Variants in FOXP1 observed in about 807,000 individuals in gnomAD.
FOXP1 encodes the protein forkhead box protein P1.
In FOXP1, 15 loss-of-function variants were observed where a neutral mutation model predicts 98.2. The ratio of observed to expected loss-of-function variants is 0.15; its 90% CI spans 0.10 to 0.24. The LOEUF (loss-of-function observed/expected upper bound fraction) is 0.24. FOXP1 is among the 10% of genes least tolerant of loss of function. FOXP1 has a pLI of 1.00. For synonymous variants in FOXP1, 371 were observed against 314.5 expected (o/e 1.18, Z -1.90); for missense variants, 633 against 848.5 (o/e 0.75, Z 3.15).
intron 11 of FOXP1, among the ~76,000 whole-genome samples, chr3:71,031,668 A>G (rs1057411986): frequency 3.9e-5 from 6 of 152,310 alleles, no homozygotes; most frequent in African/African-American, 7.2e-5. Flanking sequence ...GAAACCACAA[A>G]TATTAGACCA....
In FOXP1 at chr3:71,279,648, A is replaced by G. The variant is rs80152527; in HGVS notation, c.-12+20172T>C. On this transcript the variant is annotated intron_variant, in intron 5 of 20. Coordinates refer to ENST00000649528, the MANE Select transcript of FOXP1 (RefSeq NM_001349338.3). ...TACAATCTCGTGTATCCAACCAAGTAGAAATGGTTAGATAAACTGCGATAT... is the reference window on the plus strand; with the variant it reads ...TACAATCTCGTGTATCCAACCAAGTGGAAATGGTTAGATAAACTGCGATAT... Among the ~76,000 whole-genome samples the G allele has an allele frequency of 7.7e-3, 1,171 of 152,320 alleles. 23 individuals are homozygous for G. Among genetic ancestry groups the G allele is most frequent in the African/African-American group, 0.026 (1,095 of 41,562 alleles).
intron 6 of FOXP1, among the ~76,000 whole-genome samples, chr3:71,121,509 C>G (rs1213593655): frequency 1.3e-5 from 2 of 148,480 alleles, no homozygotes; most frequent in Admixed American, 1.4e-4. Flanking sequence ...TACTCCTACT[C>G]CCATTAACAT....
chr3:71,277,292 A>G (rs13087925), intron 5 of FOXP1, among the ~76,000 whole-genome samples: 7,376 of 146,508 alleles, frequency 0.05, 247 homozygotes, highest in Non-Finnish European at 0.08. Flanking sequence ...ACTTCCACAT[A>G]TGAGTGAGAA....
intron 2 of FOXP1, among the ~76,000 whole-genome samples, chr3:71,552,448 A>G (rs1296466389): frequency 6.6e-6 from 1 of 152,068 alleles, no homozygotes; most frequent in African/African-American, 2.4e-5. Context: ...ATAAATAATT[A>G]TATTAGTTTC....
intron 9 of FOXP1, among the ~76,000 whole-genome samples, chr3:71,051,609 A>G (rs931076373): frequency 6.6e-6 from 1 of 152,248 alleles, no homozygotes; most frequent in Non-Finnish European, 1.5e-5. Context: ...TGCTGTATAT[A>G]GAATTATAAA....
intron 7 of FOXP1, among the ~76,000 whole-genome samples, chr3:71,072,394 A>G (rs947562230): frequency 8.5e-5 from 13 of 152,356 alleles, no homozygotes; most frequent in African/African-American, 2.2e-4. Flanking sequence ...TAGGATTTCA[A>G]TGCTCAATAA....
At chr3:71,045,828 A>ATGCTTTGT (rs2048955810) in intron 10 of FOXP1, among the ~76,000 whole-genome samples, 1 of 152,244 alleles carries the variant, frequency 6.6e-6, no homozygotes, top group South Asian at 2.1e-4. Context: ...ACAAATGGCC[A>ATGCTTTGT]TGCTTTAAGC....
intron 2 of FOXP1, among the ~76,000 whole-genome samples, chr3:71,557,955 T>A (rs1409428876): frequency 6.6e-6 from 1 of 152,138 alleles, no homozygotes; most frequent in Non-Finnish European, 1.5e-5. Context: ...TAGCTGGAAT[T>A]ATAGGCATGA....
chr3:71,156,513 G>T (rs544469548), intron 6 of FOXP1, among the ~76,000 whole-genome samples: 1 of 152,292 alleles, frequency 6.6e-6, no homozygotes, highest in Non-Finnish European at 1.5e-5. Flanking sequence ...TGGGAGGGGG[G>T]GAAAAGAGTG....
chr3:71,126,347 G>A (rs2107867736), intron 6 of FOXP1, among the ~76,000 whole-genome samples: 1 of 137,332 alleles, frequency 7.3e-6, no homozygotes, highest in East Asian at 2.5e-4. Flanking sequence ...AAATTAGCCA[G>A]GCGTGGTGGC....
intron 3 of FOXP1, among the ~76,000 whole-genome samples, chr3:71,467,030 A>G (rs943591396): frequency 6.6e-6 from 1 of 152,200 alleles, no homozygotes; most frequent in Non-Finnish European, 1.5e-5. Flanking sequence ...AAAAGAAAAA[A>G]ATGCTGAAGG....
At chr3:71,072,113 G>C (rs916079062) in intron 7 of FOXP1, among the ~76,000 whole-genome samples, 1 of 152,150 alleles carries the variant, frequency 6.6e-6, no homozygotes, top group Non-Finnish European at 1.5e-5. Flanking sequence ...CTTGGGGCCA[G>C]GAGTTCAAGA....
At chr3:71,163,880 T>A (rs2061270400) in intron 6 of FOXP1, among the ~76,000 whole-genome samples, 2 of 152,056 alleles carry the variant, frequency 1.3e-5, no homozygotes, top group African/African-American at 2.4e-5. Flanking sequence ...GTTTTTTAAA[T>A]TTTTCTCCCA....
chr3:71,380,625 A>G (rs1466864177), intron 3 of FOXP1, among the ~76,000 whole-genome samples: 1 of 151,566 alleles, frequency 6.6e-6, no homozygotes, highest in Admixed American at 6.6e-5. Context: ...ACACTCTTCA[A>G]TGTTTGATAT....
At chr3:71,265,017 T>C (rs981606978) in intron 5 of FOXP1, among the ~76,000 whole-genome samples, 3 of 152,006 alleles carry the variant, frequency 2.0e-5, no homozygotes, top group African/African-American at 7.3e-5. Flanking sequence ...GATTCTAGAG[T>C]GTGCACGTAT....
chr3:71,451,232 A>C (rs1560505195), intron 3 of FOXP1, among the ~76,000 whole-genome samples: 1 of 152,172 alleles, frequency 6.6e-6, no homozygotes, highest in Non-Finnish European at 1.5e-5. Flanking sequence ...TCATTCACTT[A>C]CTGGCCGGCC....
At chr3:71,046,794 G>A (rs2049090209) in intron 10 of FOXP1, 148 bp downstream of exon 10, 1 of 983,050 alleles carries the variant, frequency 1.0e-6, no homozygotes, top group Non-Finnish European at 1.6e-6. Context: ...TTCTACATGG[G>A]TCCATCATTA....
At chr3:71,194,726 T>C (rs1055823473) in intron 6 of FOXP1, among the ~76,000 whole-genome samples, 3 of 152,198 alleles carry the variant, frequency 2.0e-5, no homozygotes, top group Admixed American at 1.3e-4. Flanking sequence ...AGTTATGGTA[T>C]CGGGTAAAGA....
At chr3:71,127,887 GGA>G (rs2059324879) in intron 6 of FOXP1, among the ~76,000 whole-genome samples, 1 of 152,164 alleles carries the variant, frequency 6.6e-6, no homozygotes, top group African/African-American at 2.4e-5. Context: ...ACTGCCTTTT[GGA>G]GAGAGGCGGA....
Sources: allele counts gnomAD v4.1 joint callset (sites outside exome capture counted in the v4.1 genomes callset), GRCh38; gene constraint gnomAD v4.1.1; transcripts MANE v1.5; gene names NCBI Gene and HGNC (gene_info 2026-07-23, HGNC 2026-07-21).